Variants in RNF31 observed in about 807,000 individuals in gnomAD.
RNF31 encodes the protein E3 ubiquitin-protein ligase RNF31.
Under a neutral mutation model 133.6 loss-of-function variants are expected in RNF31, and 38 were observed. That is an observed-to-expected ratio of 0.28 (90% confidence interval 0.22 to 0.37). The LOEUF (loss-of-function observed/expected upper bound fraction) is 0.37, where lower values mean the gene tolerates loss of function less well. Among genes scored for constraint, RNF31 ranks in the 10% least tolerant of loss-of-function variants. The pLI, the probability that RNF31 is intolerant of heterozygous loss-of-function variation, is 1.00. For synonymous variants in RNF31, 582 were observed against 552.3 expected, an observed-to-expected ratio of 1.05 and a Z score of -0.75; for missense variants, 1,118 against 1,394.1, an observed-to-expected ratio of 0.80 and a Z score of 3.15.
At chr14:24,148,937 C>T (rs2038220499) in intron 5 of RNF31, 61 bp downstream of exon 5, 2 of 1,317,802 alleles carry the variant, frequency 1.5e-6, no homozygotes, top group East Asian at 2.3e-5. Flanking sequence ...ATTTGGGATG[C>T]TCCTCTGTCT....
rs759660935 is a variant in RNF31 at position 24,148,785 on chromosome 14, GC to G, written c.556-13del. 13 of 1,613,960 alleles carry G rather than the reference GC, an allele frequency of 8.1e-6. No individual in the cohort carries two copies. The Admixed American group carries it at 1.2e-4, about 14-fold the overall frequency. ...GTCCCTAAACCCTTATTCATTCCCT[GC>G]CCTTTCTTTTTCAGATGCTGCAGCT... On this transcript the variant is annotated splice_polypyrimidine_tract_variant and intron_variant, in intron 4 of 20. Coordinates refer to ENST00000324103, the MANE Select transcript of RNF31 (RefSeq NM_017999.5).
At chr14:24,156,022 C>G (rs140471336) in intron 14 of RNF31, among the ~76,000 whole-genome samples, 2,091 of 152,306 alleles carry the variant, frequency 0.014, 52 homozygotes, top group African/African-American at 0.048. Context: ...GTAGAGAGGT[C>G]AGACAAGTCT....
At chr14:24,159,540 G>A (rs948975964) in intron 18 of RNF31, among the ~76,000 whole-genome samples, 21 of 106,328 alleles carry the variant, frequency 2.0e-4, no homozygotes, top group African/African-American at 7.8e-4. Flanking sequence ...AAAGAGGTAA[G>A]ATCTTCCGAT....
In RNF31 at chr14:24,160,348, G is replaced by A. The variant is rs76273859; in HGVS notation, c.3106G>A (p.Val1036Ile). The change falls in exon 20 of 21, where the codon GTA becomes ATA. Residue 1036 changes from valine (V) to isoleucine (I), a missense_variant. This residue lies in a region of RNF31 where 170 missense variants were observed against 194.5 expected (regional missense o/e 0.87). Coordinates refer to ENST00000324103, the MANE Select transcript of RNF31 (RefSeq NM_017999.5). The surrounding 1 kb of genome is among the most constrained non-coding windows in gnomAD (Gnocchi z 4.0). The stretch of plus-strand genomic sequence containing the variant: ...GACGGCCACTGAGCGCTACCTGCAC[G>A]TACGCCCCCAGCCTTTGGCTGGAGA... ...LETATERYLHVRPQPLAGEDP... is the reference protein window; with the variant it reads ...LETATERYLHIRPQPLAGEDP... 1.5e-5 allele frequency: 24 copies of A among 1,614,144 alleles called. No individual in the cohort carries two copies. The highest frequency in any genetic ancestry group is 8.3e-5 in the Admixed American group (5 of 60,020).
At chr14:24,148,203 C>A in intron 2 of RNF31, 55 bp from the exon 3 acceptor site, 1 of 1,613,498 alleles carries the variant, frequency 6.2e-7, no homozygotes, top group Non-Finnish European at 8.5e-7. Flanking sequence ...GGAAGGGGTC[C>A]AGCCCTACTA....
Position 24,158,130 on chromosome 14 carries a change from TCTC to T in RNF31, c.2842-5_2842-3del, listed in dbSNP as rs1323055289. On this transcript the variant is annotated splice_polypyrimidine_tract_variant and intron_variant, in intron 17 of 20. Coordinates refer to ENST00000324103, the MANE Select transcript of RNF31 (RefSeq NM_017999.5). ...AAGGGGAATGTAACACCCATCTGTC[TCTC>T]CTCCTCAGGACAATAACGTCATGTT... 4 of 1,614,198 alleles carry T rather than the reference TCTC, an allele frequency of 2.5e-6. No individual in the cohort carries two copies. Among genetic ancestry groups the T allele is most frequent in the South Asian group, 1.1e-5 (1 of 91,080 alleles).
At chr14:24,156,704 A>T (rs915903933) in intron 14 of RNF31, among the ~76,000 whole-genome samples, 1 of 151,944 alleles carries the variant, frequency 6.6e-6, no homozygotes, top group African/African-American at 2.4e-5. Flanking sequence ...GCTTGAACCC[A>T]GGAGGTGGAG....
intron 6 of RNF31, 96 bp from the exon 7 acceptor site, chr14:24,149,965 C>A: frequency 7.1e-7 from 1 of 1,407,074 alleles, no homozygotes; most frequent in Non-Finnish European, 9.6e-7. Context: ...AGGCCAGTGA[C>A]ATGAGTTGTT....
intron 14 of RNF31, among the ~76,000 whole-genome samples, chr14:24,156,834 G>T (rs904237169): frequency 6.6e-6 from 1 of 151,904 alleles, no homozygotes; most frequent in African/African-American, 2.4e-5. Flanking sequence ...TCTGCATCAT[G>T]TCTGAAATAA....
At chr14:24,158,326 C>A in intron 18 of RNF31, 127 bp downstream of exon 18, 1 of 827,468 alleles carries the variant, frequency 1.2e-6, no homozygotes, top group South Asian at 1.6e-5. Flanking sequence ...AATTGAGACC[C>A]AAGGCCTTGT....
At position 24,151,092 on chromosome 14, in the gene RNF31, T is replaced by C; in HGVS notation, c.1489-39T>C. ...CATCTTAGTTCAGGCTGAGGGTGGG[T>C]GAAGGGTGCCCCTCCTGATGGGCGG... On this transcript the variant is annotated intron_variant, in intron 8 of 20. Coordinates refer to ENST00000324103, the MANE Select transcript of RNF31 (RefSeq NM_017999.5). The surrounding 1 kb of genome is among the most constrained non-coding windows in gnomAD (Gnocchi z 5.3). 6.2e-7 allele frequency: 1 copy of C among 1,607,650 alleles called. No homozygotes were observed. The highest frequency in any genetic ancestry group is 8.5e-7 in the Non-Finnish European group (1 of 1,175,832).
chr14:24,149,853 T>C (rs978708954), intron 6 of RNF31, among the ~76,000 whole-genome samples: 2 of 151,796 alleles, frequency 1.3e-5, no homozygotes, highest in African/African-American at 4.8e-5. Flanking sequence ...GGTCAGGCCA[T>C]GTGTTAGCAG....
In RNF31 at chr14:24,148,842, T is replaced by G. The variant is rs866658027; in HGVS notation, c.597T>G (p.Ile199Met). The G allele has an allele frequency of 6.2e-7, 1 of 1,614,126 alleles. No individual in the cohort carries two copies. The change falls in exon 5 of 21, where the codon ATT becomes ATG. Residue 199 changes from isoleucine (I) to methionine (M), a missense_variant. By Grantham distance (10) the Ile-to-Met change is conservative. Coordinates refer to ENST00000324103, the MANE Select transcript of RNF31 (RefSeq NM_017999.5). The part of the protein sequence containing the change: ...LSEFDPLLRE[I>M]APGPLTTPSV... ...AATTTGACCCCCTATTGAGAGAGAT[T>G]GCTCCTGGCCCCCTCACCACACCCT... is the stretch of plus-strand genomic sequence containing the variant.
intron 11 of RNF31, among the ~76,000 whole-genome samples, chr14:24,154,794 C>G (rs957424648): frequency 7.2e-5 from 11 of 152,234 alleles, no homozygotes; most frequent in African/African-American, 1.4e-4. Flanking sequence ...AAGGAACTCT[C>G]TCATGTACCT....
At chr14:24,154,871 A>C in intron 11 of RNF31, 2 of 426,246 alleles carry the variant, frequency 4.7e-6, no homozygotes, top group East Asian at 4.4e-5. Context: ...CTCCACCTCT[A>C]TAGTTTTGTC....
At position 24,155,650 on chromosome 14, in the gene RNF31, TC is replaced by T; in HGVS notation, c.2455del (p.Gln819SerfsTer32). 1 of 1,614,188 alleles carries T rather than the reference TC, an allele frequency of 6.2e-7. No individual in the cohort carries two copies. The highest frequency in any genetic ancestry group is 8.5e-7 in the Non-Finnish European group (1 of 1,180,030). On this transcript the variant is annotated frameshift_variant, in exon 14 of 21. Transcript: ENST00000324103. LOFTEE classifies it high-confidence loss of function. The surrounding 1 kb of genome is among the most constrained non-coding windows in gnomAD (Gnocchi z 4.9). ...AGCGTGAGCAGCTGGAGGCAACTTG[TC>T]CCCAGTGTCACCAGACCTTCTGTGT... ...YEREQLEATCPQCHQTFCVRC... is the reference protein window; with the variant it reads ...YEREQLEATCXQCHQTFCVRC...
chr14:24,154,579 C>T (rs1313812529), intron 11 of RNF31, among the ~76,000 whole-genome samples: 2 of 152,132 alleles, frequency 1.3e-5, no homozygotes, highest in Non-Finnish European at 2.9e-5. Context: ...TGCCCGGCCC[C>T]CAGTGGTGAC....
chr14:24,160,326 G>C lies in RNF31; in HGVS notation c.3084G>C (p.Thr1028=), dbSNP rs780288286. 6.2e-7 allele frequency: 1 copy of C among 1,614,048 alleles called. No individual in the cohort carries two copies. The highest frequency in any genetic ancestry group is 8.5e-7 in the Non-Finnish European group (1 of 1,180,028). The change falls in exon 20 of 21, where the codon ACG becomes ACC. Residue 1028 remains threonine, a synonymous_variant. Transcript: ENST00000324103. The surrounding 1 kb of genome is among the most constrained non-coding windows in gnomAD (Gnocchi z 4.0). ...TGTATGAGGTGGAAGAGCTGGAGAC[G>C]GCCACTGAGCGCTACCTGCACGTAC... ...ATLYEVEELE[T]ATERYLHVRP... is the part of the protein sequence containing the mutation.
chr14:24,159,032 CAAAAAAAAAAAAAAAA>C (rs529900287), intron 18 of RNF31, among the ~76,000 whole-genome samples: 2 of 54,430 alleles, frequency 3.7e-5, no homozygotes, highest in Admixed American at 4.9e-4. Flanking sequence ...GACTTCGTCT[CAAAAAAAAAAAAAAAA>C]AAAAAAAAAA....
Sources: gnomAD v4.1 joint callset for allele counts (sites outside exome capture counted in the v4.1 genomes callset) on GRCh38, gnomAD v4.1.1 for gene constraint, gnomAD v4.1.1 regional missense constraint, Gnocchi (gnomAD v3.1) non-coding constraint, MANE v1.5 for transcripts, NCBI Gene and HGNC (gene_info 2026-07-23, HGNC 2026-07-21) for gene names.